TCOF1: variants seen among roughly 807,000 people sequenced by gnomAD.
TCOF1 encodes the protein treacle ribosome biogenesis factor 1.
TCOF1 carries 33 observed loss-of-function variants against 149.0 expected under a neutral mutation model. The ratio of observed to expected loss-of-function variants is 0.22; its 90% CI spans 0.17 to 0.30. The LOEUF (loss-of-function observed/expected upper bound fraction) is 0.30, where lower values mean the gene tolerates loss of function less well. TCOF1 is among the 10% of genes least tolerant of loss of function. TCOF1 has a pLI of 1.00. For missense variants in TCOF1, 1,728 were observed against 1,840.7 expected, an observed-to-expected ratio of 0.94 and a Z score of 1.12; for synonymous variants, 789 against 738.8, an observed-to-expected ratio of 1.07 and a Z score of -1.10.
chr5:150,384,078 CA>C (rs970530010), intron 17 of TCOF1: 1 of 1,299,794 alleles, frequency 7.7e-7, no homozygotes, highest in African/African-American at 1.5e-5. Context: ...TGGAGTTCTG[CA>C]ACCTCCAGAC....
At chr5:150,395,663 C>G (rs1316198483) in intron 23 of TCOF1, among the ~76,000 whole-genome samples, 1 of 152,118 alleles carries the variant, frequency 6.6e-6, no homozygotes, top group Admixed American at 6.6e-5. Flanking sequence ...AGTCAGCCAC[C>G]ACGTGTATAT....
intron 18 of TCOF1, 66 bp from the exon 19 acceptor site, chr5:150,389,821 T>C: frequency 1.2e-6 from 2 of 1,613,056 alleles, no homozygotes; most frequent in Non-Finnish European, 1.7e-6. Context: ...AATTGGGTTA[T>C]TGCCGCTGCT....
chr5:150,370,884 C>T (rs1762394388), intron 6 of TCOF1, among the ~76,000 whole-genome samples: 1 of 152,300 alleles, frequency 6.6e-6, no homozygotes, highest in Admixed American at 6.5e-5. Context: ...GGGGCCAGAT[C>T]TTCTGTCTGA....
intron 17 of TCOF1, among the ~76,000 whole-genome samples, chr5:150,382,117 G>A (rs148579045): frequency 6.4e-4 from 97 of 152,316 alleles, no homozygotes; most frequent in African/African-American, 2.2e-3. Flanking sequence ...CTGTGGAGGA[G>A]GAGGTTGCAG....
At chr5:150,384,677 C>CTG (rs376312126) in intron 17 of TCOF1, 10 of 985,096 alleles carry the variant, frequency 1.0e-5, no homozygotes, top group Non-Finnish European at 1.2e-5. Flanking sequence ...ATTCTGGAGT[C>CTG]TATTTAAAAA....
chr5:150,391,943 T>C lies in TCOF1; in HGVS notation c.3298-14T>C. ...TAATTTTTCCTTCCATTCCTTCTCC[T>C]TTCACCGAATTAGGTTGACAGTGCT... is the stretch of plus-strand genomic sequence containing the variant. On this transcript the variant is annotated splice_polypyrimidine_tract_variant and intron_variant, in intron 20 of 26. Transcript: ENST00000643257. 26 of 1,613,988 alleles carry C rather than the reference T, an allele frequency of 1.6e-5. No homozygotes were observed. The highest frequency in any genetic ancestry group is 2.1e-5 in the Non-Finnish European group (25 of 1,179,902).
In TCOF1 at chr5:150,378,889, C is replaced by G; in HGVS notation, c.2341-16C>G. 6.2e-7 allele frequency: 1 copy of G among 1,614,010 alleles called. No homozygotes were observed. The highest frequency in any genetic ancestry group is 8.5e-7 in the Non-Finnish European group (1 of 1,180,030). ...ATCTCACCTTCTCCCTCCTTAATTC[C>G]CTTTTCTCCACTCAGGTGAAAACCT... On this transcript the variant is annotated splice_polypyrimidine_tract_variant and intron_variant, in intron 14 of 26. Transcript: ENST00000643257.
At chr5:150,378,508 T>C in intron 14 of TCOF1, 2 of 270,350 alleles carry the variant, frequency 7.4e-6, no homozygotes, top group Non-Finnish European at 1.4e-5. Context: ...TTTATGGCAC[T>C]CAACTTACAT....
chr5:150,368,691 T>C (rs1761896102), intron 4 of TCOF1, 25 bp from the exon 5 acceptor site: 1 of 1,613,812 alleles, frequency 6.2e-7, no homozygotes, highest in African/African-American at 1.3e-5. Flanking sequence ...ATACCAGATG[T>C]GTCTGTCACT....
At chr5:150,359,794 G>C (rs1054521509) in intron 1 of TCOF1, among the ~76,000 whole-genome samples, 1 of 152,200 alleles carries the variant, frequency 6.6e-6, no homozygotes, top group African/African-American at 2.4e-5. Flanking sequence ...AGTTTAATAA[G>C]TTAATGATAT....
Position 150,374,291 on chromosome 5 carries a change from A to G in TCOF1, c.988A>G (p.Thr330Ala), listed in dbSNP as rs2150684899. 1.3e-6 allele frequency: 2 copies of G among 1,591,954 alleles called. No homozygotes were observed. Among genetic ancestry groups the G allele is most frequent in the East Asian group, 2.3e-5 (1 of 43,708 alleles). ...PGKAGAVASQTKAGKPEEDSE... is the reference protein window; with the variant it reads ...PGKAGAVASQAKAGKPEEDSE... ...GAAGGCAGGGGCTGTAGCCTCCCAGACCAAGGCAGGGAAGCCAGAGGAGGA... is the reference window on the plus strand; with the variant it reads ...GAAGGCAGGGGCTGTAGCCTCCCAGGCCAAGGCAGGGAAGCCAGAGGAGGA... The change falls in exon 8 of 27, where the codon ACC becomes GCC. Residue 330 changes from threonine to alanine, a missense_variant. Thr to Ala is a moderately conservative substitution (Grantham distance 58). Coordinates refer to ENST00000643257, the MANE Select transcript of TCOF1 (RefSeq NM_001371623.1).
intron 22 of TCOF1, 170 bp from the exon 23 acceptor site, chr5:150,393,202 C>G: frequency 1.3e-6 from 1 of 748,646 alleles, no homozygotes; most frequent in Non-Finnish European, 2.3e-6. Context: ...GAGGCACACG[C>G]CAAGGGCTGA....
Position 150,374,790 on chromosome 5 carries a change from TGAG to T in TCOF1, c.1265_1267del (p.Glu422del). 5.0e-6 allele frequency: 8 copies of T among 1,609,814 alleles called. No individual in the cohort carries two copies. Among genetic ancestry groups the T allele is most frequent in the Non-Finnish European group, 6.8e-6 (8 of 1,178,478 alleles). ...AGAGCAGCAGCGAGGAATCGGACAGTGAGGAGGAGGCGCCTGCTCAGGTGAGGC... is the reference window on the plus strand; with the variant it reads ...AGAGCAGCAGCGAGGAATCGGACAGTGAGGAGGCGCCTGCTCAGGTGAGGC... On this transcript the variant is annotated inframe_deletion, in exon 9 of 27. Transcript: ENST00000643257.
At position 150,368,864 on chromosome 5, in the gene TCOF1, A is replaced by G. The variant is rs1761933501; in HGVS notation, c.527A>G (p.Glu176Gly). ...ACGTTGGTCTCAGAAACTGAGGAGG[A>G]GGGCAGCGTCCCGGCCTTTGGAGCT... Reference protein sequence around the residue: ...NTTLVSETEEEGSVPAFGAAA... With the variant: ...NTTLVSETEEGGSVPAFGAAA... Residue 176 changes from glutamate (E) to glycine (G), a missense_variant, in exon 5 of 27, where the codon GAG (glutamate) becomes GGG (glycine). This residue lies in a region of TCOF1 where 1,696 missense variants were observed against 1,765.4 expected (regional missense o/e 0.96). Coordinates refer to ENST00000643257, the MANE Select transcript of TCOF1 (RefSeq NM_001371623.1). 3 of 1,613,884 alleles carry G rather than the reference A, an allele frequency of 1.9e-6. No individual in the cohort carries two copies. Among genetic ancestry groups the G allele is most frequent in the Non-Finnish European group, 2.5e-6 (3 of 1,180,024 alleles).
chr5:150,386,506 G>C (rs1766333191), intron 17 of TCOF1, among the ~76,000 whole-genome samples: 1 of 152,288 alleles, frequency 6.6e-6, no homozygotes, highest in South Asian at 2.1e-4. Context: ...CCTCAGGCAG[G>C]CACCTTTCTG....
rs1393921661 is a variant in TCOF1, at chr5:150,375,827, C to T, written c.1811C>T (p.Pro604Leu). The T allele has an allele frequency of 6.2e-7, 1 of 1,614,060 alleles. No homozygotes were observed. The highest frequency in any genetic ancestry group is 8.5e-7 in the Non-Finnish European group (1 of 1,180,026). Residue 604 changes from proline to leucine, a missense_variant, in exon 12 of 27, where the codon CCC (proline) becomes CTC (leucine). Transcript: ENST00000643257. ...PVAVQVKAEKPMDNSESSEES... is the reference protein window; with the variant it reads ...PVAVQVKAEKLMDNSESSEES... ...GCCGTCCAGGTCAAGGCTGAAAAGC[C>T]CATGGACAACTCGGAGAGCAGCGAG...
At chr5:150,383,628 A>G in intron 17 of TCOF1, 1 of 1,149,034 alleles carries the variant, frequency 8.7e-7, no homozygotes, top group Non-Finnish European at 1.3e-6. Flanking sequence ...ATTGGGAATC[A>G]AGCCTTAGAG....
At chr5:150,357,963 C>A (rs913104248) in intron 1 of TCOF1, 109 bp downstream of exon 1, 8 of 1,161,992 alleles carry the variant, frequency 6.9e-6, no homozygotes, top group Non-Finnish European at 8.5e-6. Flanking sequence ...GGAGCCGGGT[C>A]CCGCAGTGCT....
chr5:150,369,876 A>G (rs1762156518), intron 6 of TCOF1, among the ~76,000 whole-genome samples: 1 of 152,106 alleles, frequency 6.6e-6, no homozygotes, highest in South Asian at 2.1e-4. Flanking sequence ...GCCCTGGAGT[A>G]GGGCCTCAAA....
Sources: allele counts gnomAD v4.1 joint callset (sites outside exome capture counted in the v4.1 genomes callset), GRCh38; gene constraint gnomAD v4.1.1; regional missense constraint gnomAD v4.1.1; transcripts MANE v1.5; gene names NCBI Gene and HGNC (gene_info 2026-07-23, HGNC 2026-07-21).